Variants in RHBDL2 observed in about 807,000 individuals in gnomAD.
RHBDL2 encodes the protein rhomboid-related protein 2.
A neutral mutation model predicts 31.7 loss-of-function variants in RHBDL2; 26 were observed. That is an observed-to-expected ratio of 0.82 (90% CI 0.60 to 1.14). The LOEUF is 1.14. RHBDL2 is among the 50% of genes most tolerant of loss of function. The probability of loss-of-function intolerance (pLI) is 0.00; values close to 1 mark genes in which losing one functional copy is unlikely to be tolerated. For synonymous variants in RHBDL2, 123 were observed against 127.2 expected (o/e 0.97, Z 0.22); for missense variants, 336 against 364.4 (o/e 0.92, Z 0.63).
intron 1 of RHBDL2, among the ~76,000 whole-genome samples, chr1:38,921,099 G>T (rs1643308583): frequency 6.6e-6 from 1 of 152,174 alleles, no homozygotes; most frequent in Non-Finnish European, 1.5e-5. Context: ...TTGAGATAAT[G>T]CATGTAAAGC....
intron 4 of RHBDL2, among the ~76,000 whole-genome samples, chr1:38,903,644 G>A (rs759328916): frequency 2.0e-5 from 3 of 152,116 alleles, no homozygotes; most frequent in South Asian, 2.1e-4. Context: ...TAAAATGTCC[G>A]TTTTCCCCAA....
At chr1:38,902,678 C>G (rs1170451155) in intron 4 of RHBDL2, among the ~76,000 whole-genome samples, 1 of 152,058 alleles carries the variant, frequency 6.6e-6, no homozygotes, top group Non-Finnish European at 1.5e-5. Flanking sequence ...CCTCGGCCTC[C>G]CCAAGTGCTG....
intron 6 of RHBDL2, among the ~76,000 whole-genome samples, chr1:38,890,266 C>A (rs902434781): frequency 3.3e-5 from 5 of 152,002 alleles, no homozygotes; most frequent in Non-Finnish European, 7.4e-5. Context: ...GTGATCCACC[C>A]GCCTCGGCTT....
chr1:38,897,072 G>T (rs191888272), intron 4 of RHBDL2, among the ~76,000 whole-genome samples: 207 of 151,996 alleles, frequency 1.4e-3, no homozygotes, highest in African/African-American at 4.8e-3. Flanking sequence ...TGAGGAGGAG[G>T]AGATAGCATT....
At chr1:38,923,087 T>C (rs1415221147) in intron 1 of RHBDL2, among the ~76,000 whole-genome samples, 3 of 150,606 alleles carry the variant, frequency 2.0e-5, no homozygotes, top group Non-Finnish European at 1.5e-5. Context: ...TGAAACTCCA[T>C]CTCAAAAAAA....
intron 3 of RHBDL2, among the ~76,000 whole-genome samples, 168 bp from the exon 4 acceptor site, chr1:38,911,602 CTGTGTGTGTGTGTGTGTGTGTGTG>C (rs56978792): frequency 5.6e-5 from 8 of 142,206 alleles, no homozygotes; most frequent in African/African-American, 8.2e-5. Context: ...TTTCTTTTTT[CTGTGTGTGTGTGTGTGTGTGTGTG>C]TGTGTGTGTG....
At position 38,941,774 on chromosome 1, in the gene RHBDL2, G is replaced by T. The variant is rs1643563241; in HGVS notation, c.-218C>A. The T allele has an allele frequency of 1.3e-5, 2 of 152,686 alleles. No individual in the cohort carries two copies. Among genetic ancestry groups the T allele is most frequent in the South Asian group, 4.1e-4 (2 of 4,848 alleles). The allele number at this position is 152,686 out of a possible 1,614,324, so 9.5% of individuals were successfully genotyped here. A position where few individuals can be genotyped will look rare whatever the true frequency, so the allele number is the denominator to read the frequency against. Reference sequence around the variant, plus strand: ...CCAAGGGGTTGCCCGCTGCCCTGAAGATCCCGCTCTGCCAGGCGCTCCTCC... The same window carrying T: ...CCAAGGGGTTGCCCGCTGCCCTGAATATCCCGCTCTGCCAGGCGCTCCTCC... On this transcript the variant is annotated 5_prime_UTR_variant, in exon 1 of 8. Coordinates refer to ENST00000372990, the MANE Select transcript of RHBDL2 (RefSeq NM_017821.5).
chr1:38,890,556 T>G (rs916335893), intron 6 of RHBDL2, among the ~76,000 whole-genome samples: 2 of 152,194 alleles, frequency 1.3e-5, no homozygotes, highest in African/African-American at 4.8e-5. Context: ...TTCCTCTTTC[T>G]GCTTCCTAGG....
At position 38,893,038 on chromosome 1, in the gene RHBDL2, G is replaced by A. The variant is rs1426629882; in HGVS notation, c.670+126C>T. The A allele has an allele frequency of 5.8e-6, 3 of 520,346 alleles. No homozygotes were observed. In the Admixed American group the frequency reaches 9.7e-5, roughly 17 times the overall value. The allele number at this position is 520,346 out of a possible 1,614,324, so 32.2% of individuals were successfully genotyped here. A position where few individuals can be genotyped will look rare whatever the true frequency, so the allele number is the denominator to read the frequency against. On this transcript the variant is annotated intron_variant, in intron 6 of 7. Coordinates refer to ENST00000372990, the MANE Select transcript of RHBDL2 (RefSeq NM_017821.5). ...TCTTTTGTACTTCAGACATACCATA[G>A]ACCTCCCAGGTCTGTGTGTATGCCC...
In RHBDL2 at chr1:38,894,688, CTTTTTTTTCT is replaced by C. The variant is rs930202698; in HGVS notation, c.609+1271_609+1280del. Among the ~76,000 whole-genome samples, 26 of 131,328 alleles carry C rather than the reference CTTTTTTTTCT, an allele frequency of 2.0e-4. No homozygotes were observed. In the East Asian group the frequency reaches 2.0e-3, roughly 10 times the overall value. 86.2% of individuals were successfully genotyped at this position (131,328 alleles called of 152,430 possible). A position where few individuals can be genotyped will look rare whatever the true frequency, so the allele number is the denominator to read the frequency against. On this transcript the variant is annotated intron_variant, in intron 5 of 7. Coordinates refer to ENST00000372990, the MANE Select transcript of RHBDL2 (RefSeq NM_017821.5). ...GATAAATGTAAAAAGCATTTCTTTTCTTTTTTTTCTTTTTTTTTCTTTTTTTTTTTTTTTT... is the reference window on the plus strand; with the variant it reads ...GATAAATGTAAAAAGCATTTCTTTTCTTTTTTTTCTTTTTTTTTTTTTTTT...
At chr1:38,917,641 G>A (rs748422099) in intron 2 of RHBDL2, among the ~76,000 whole-genome samples, 12 of 152,098 alleles carry the variant, frequency 7.9e-5, no homozygotes, top group Admixed American at 3.9e-4. Context: ...TCTCAGATCC[G>A]GACGACTTCC....
intron 1 of RHBDL2, among the ~76,000 whole-genome samples, chr1:38,922,751 C>CAGGATA (rs1643330446): frequency 6.6e-6 from 1 of 151,046 alleles, no homozygotes; most frequent in East Asian, 1.9e-4. Context: ...TCTTCTGCCC[C>CAGGATA]ACTCCTGAAT....
chr1:38,908,821 C>T (rs551269428), intron 4 of RHBDL2, among the ~76,000 whole-genome samples: 1 of 152,336 alleles, frequency 6.6e-6, no homozygotes, highest in Non-Finnish European at 1.5e-5. Flanking sequence ...TGTGCCTTAT[C>T]TCCAGGTCAG....
At chr1:38,939,847 C>T (rs2124360256) in intron 1 of RHBDL2, among the ~76,000 whole-genome samples, 1 of 152,064 alleles carries the variant, frequency 6.6e-6, no homozygotes, top group East Asian at 1.9e-4. Flanking sequence ...CGTGCCAGGA[C>T]TTCTTTTTTT....
intron 4 of RHBDL2, among the ~76,000 whole-genome samples, chr1:38,910,574 G>C (rs1001547297): frequency 6.6e-6 from 1 of 152,044 alleles, no homozygotes; most frequent in Non-Finnish European, 1.5e-5. Context: ...CCCAGTCTTA[G>C]AGCCCCTTTG....
At chr1:38,937,296 G>A (rs1014387635) in intron 1 of RHBDL2, among the ~76,000 whole-genome samples, 2 of 152,132 alleles carry the variant, frequency 1.3e-5, no homozygotes, top group Non-Finnish European at 2.9e-5. Flanking sequence ...TGTAGTAGAG[G>A]CACAGCACCC....
intron 7 of RHBDL2, 82 bp downstream of exon 7, chr1:38,887,881 C>A: frequency 5.0e-6 from 5 of 993,246 alleles, no homozygotes; most frequent in Non-Finnish European, 7.7e-6. Context: ...TGCCCTAAAT[C>A]ACAGCGTTGT....
rs147905785 is a variant in RHBDL2, at chr1:38,911,742, T to C, written c.396-308A>G. Among the ~76,000 whole-genome samples, 34 of 151,992 alleles carry C rather than the reference T, an allele frequency of 2.2e-4. No individual in the cohort carries two copies. The East Asian group carries it at 6.6e-3, about 30-fold the overall frequency. ...AGAACCTCTGCCTCAAGGGTTCAAG[T>C]AATTCTCATGCCTCAGCCTCCCAAG... On this transcript the variant is annotated intron_variant, in intron 3 of 7. Transcript: ENST00000372990.
At chr1:38,906,964 A>G (rs1295178847) in intron 4 of RHBDL2, among the ~76,000 whole-genome samples, 1 of 152,222 alleles carries the variant, frequency 6.6e-6, no homozygotes, top group Non-Finnish European at 1.5e-5. Context: ...AATTTTCAAA[A>G]TGAAGAATAA....
Sources: gnomAD v4.1 joint callset for allele counts (sites outside exome capture counted in the v4.1 genomes callset) on GRCh38, gnomAD v4.1.1 for gene constraint, MANE v1.5 for transcripts, NCBI Gene and HGNC (gene_info 2026-07-23, HGNC 2026-07-21) for gene names.